The following WDFY3 variants were observed in gnomAD, a reference collection of about 807,000 sequenced individuals.
WDFY3 encodes the protein WD repeat and FYVE domain containing 3, also known as WD repeat and FYVE domain-containing protein 3.
WDFY3 carries 66 observed loss-of-function variants against 409.6 expected under a neutral mutation model. The observed-to-expected ratio is 0.16, with a 90% CI of 0.13 to 0.20. The LOEUF (loss-of-function observed/expected upper bound fraction) is 0.20, where lower values mean the gene tolerates loss of function less well. Among genes scored for constraint, WDFY3 ranks in the 10% least tolerant of loss-of-function variants. The pLI is 1.00. For missense variants in WDFY3, 3,031 were observed against 4,298.1 expected, an observed-to-expected ratio of 0.71 and a Z score of 8.24; for synonymous variants, 1,521 against 1,537.1, an observed-to-expected ratio of 0.99 and a Z score of 0.25.
chr4:84,889,759 A>G (rs1764693061), intron 3 of WDFY3, among the ~76,000 whole-genome samples: 2 of 152,212 alleles, frequency 1.3e-5, no homozygotes, highest in African/African-American at 4.8e-5. Context: ...GTAAGAAAAG[A>G]GAGTCAGAAT....
chr4:84,819,126 C>T (rs1578666308), intron 12 of WDFY3, among the ~76,000 whole-genome samples: 1 of 151,994 alleles, frequency 6.6e-6, no homozygotes. Flanking sequence ...TTAGCATTTG[C>T]CAAATTTGTA....
chr4:84,947,037 G>A (rs1284256722), intron 1 of WDFY3, among the ~76,000 whole-genome samples: 1 of 151,176 alleles, frequency 6.6e-6, no homozygotes, highest in Admixed American at 6.6e-5. Flanking sequence ...TCGATCTCCT[G>A]ACCTTGTGAT....
chr4:84,691,769 T>C lies in WDFY3; in HGVS notation c.9066A>G (p.Val3022=). 6.2e-7 allele frequency: 1 copy of C among 1,610,380 alleles called. No individual in the cohort carries two copies. Among genetic ancestry groups the C allele is most frequent in the Non-Finnish European group, 8.5e-7 (1 of 1,177,530 alleles). The change falls in exon 60 of 68, where the codon GTA becomes GTG. Residue 3022 remains valine, a synonymous_variant. Coordinates refer to ENST00000295888, the MANE Select transcript of WDFY3 (RefSeq NM_014991.6). The part of the protein sequence containing the change: ...LTPVKELKEP[V]GQIVCTDKGI... Reference sequence around the variant, plus strand: ...CTTTATCTGTACATACGATTTGTCCTACAGGTTCTTTGAGTTCTAGAAAAA... The same window carrying C: ...CTTTATCTGTACATACGATTTGTCCCACAGGTTCTTTGAGTTCTAGAAAAA...
chr4:84,817,490 C>G lies in WDFY3; in HGVS notation c.1789G>C (p.Val597Leu). Residue 597 changes from valine to leucine, a missense_variant, in exon 13 of 68, where the codon GTG becomes CTG. Val to Leu is a conservative substitution (Grantham distance 32). Around this residue, in one of 16 missense-constraint regions of WDFY3, gnomAD observed 1,322 missense variants for 1,697.9 expected, o/e 0.78. Coordinates refer to ENST00000295888, the MANE Select transcript of WDFY3 (RefSeq NM_014991.6). ...QHALMTIQQL[V>L]LSPNGDDDMG... Reference sequence around the variant, plus strand: ...TCATCGTCCCCATTTGGGGAGAGCACCAGCTGTTGGATAGTCATCAAGGCA... The same window carrying G: ...TCATCGTCCCCATTTGGGGAGAGCAGCAGCTGTTGGATAGTCATCAAGGCA... 2 of 1,613,776 alleles carry G rather than the reference C, an allele frequency of 1.2e-6. No homozygotes were observed. The highest frequency in any genetic ancestry group is 8.5e-7 in the Non-Finnish European group (1 of 1,179,820).
At chr4:84,882,423 C>T (rs184967236) in intron 3 of WDFY3, among the ~76,000 whole-genome samples, 10 of 152,208 alleles carry the variant, frequency 6.6e-5, no homozygotes, top group South Asian at 6.2e-4. Flanking sequence ...AACGAATAGA[C>T]GGATAAATGG....
chr4:84,933,264 T>C (rs1181866927), intron 1 of WDFY3, among the ~76,000 whole-genome samples: 1 of 152,156 alleles, frequency 6.6e-6, no homozygotes, highest in Non-Finnish European at 1.5e-5. Flanking sequence ...CAATATTGCC[T>C]TCAATAGACA....
intron 30 of WDFY3, among the ~76,000 whole-genome samples, chr4:84,767,032 T>C (rs1332924517): frequency 6.6e-6 from 1 of 152,148 alleles, no homozygotes; most frequent in East Asian, 1.9e-4. Context: ...GGCACACCTT[T>C]TAATGCACTT....
chr4:84,720,011 A>G (rs1734583052), intron 47 of WDFY3, among the ~76,000 whole-genome samples: 1 of 152,232 alleles, frequency 6.6e-6, no homozygotes, highest in Non-Finnish European at 1.5e-5. Context: ...GCAAAAGAAC[A>G]TCCTTTAAAA....
At chr4:84,750,015 G>A (rs1201686330) in intron 36 of WDFY3, among the ~76,000 whole-genome samples, 1 of 152,132 alleles carries the variant, frequency 6.6e-6, no homozygotes, top group African/African-American at 2.4e-5. Context: ...GCTTGAAAAT[G>A]CTATCACTGT....
At chr4:84,872,291 C>G (rs1409885485) in intron 3 of WDFY3, among the ~76,000 whole-genome samples, 1 of 151,750 alleles carries the variant, frequency 6.6e-6, no homozygotes, top group African/African-American at 2.4e-5. Context: ...ATGGTGAAAC[C>G]CCATCTATAC....
intron 27 of WDFY3, 116 bp from the exon 28 acceptor site, chr4:84,775,254 T>C: frequency 1.1e-6 from 1 of 896,526 alleles, no homozygotes; most frequent in Non-Finnish European, 1.6e-6. Context: ...TATTATCTTG[T>C]AAAGTTCTAT....
chr4:84,843,921 C>T (rs551527237), intron 5 of WDFY3, among the ~76,000 whole-genome samples: 9 of 152,036 alleles, frequency 5.9e-5, no homozygotes, highest in African/African-American at 7.2e-5. Flanking sequence ...CAAATATAAA[C>T]GATTTAACTT....
At chr4:84,879,126 C>T (rs1018781482) in intron 3 of WDFY3, among the ~76,000 whole-genome samples, 4 of 152,122 alleles carry the variant, frequency 2.6e-5, no homozygotes, top group Non-Finnish European at 4.4e-5. Context: ...TCTGGTGGGT[C>T]CCTAATTTTG....
intron 32 of WDFY3, among the ~76,000 whole-genome samples, chr4:84,764,693 C>T (rs1333667555): frequency 6.6e-6 from 1 of 151,032 alleles, no homozygotes. Flanking sequence ...AACCCCGTCT[C>T]TACTAAAAAA....
intron 2 of WDFY3, among the ~76,000 whole-genome samples, chr4:84,929,197 A>G (rs779643331): frequency 1.6e-4 from 24 of 152,170 alleles, no homozygotes; most frequent in Admixed American, 3.9e-4. Context: ...ACAGCCCACT[A>G]AGGAACTGGG....
chr4:84,795,780 C>A (rs1415566809), intron 19 of WDFY3, among the ~76,000 whole-genome samples: 8 of 150,540 alleles, frequency 5.3e-5, no homozygotes, highest in African/African-American at 1.2e-4. Context: ...AAAAAAAAAA[C>A]AAAACTCTAA....
intron 60 of WDFY3, 147 bp from the exon 61 acceptor site, chr4:84,690,811 A>C: frequency 1.0e-6 from 1 of 983,550 alleles, no homozygotes; most frequent in Admixed American, 3.1e-5. Context: ...TCAGAAGCAT[A>C]TCCACTGAAT....
intron 4 of WDFY3, 149 bp downstream of exon 4, chr4:84,860,263 A>G: frequency 1.1e-6 from 1 of 887,802 alleles, no homozygotes. Context: ...ACTGCTTTAT[A>G]GCAAATTGAA....
chr4:84,678,978 G>T lies in WDFY3; in HGVS notation c.10088C>A (p.Pro3363His). ...GGGATTGGGGTGGGGGTGGCTAAGG[G>T]GGCCCTGCAGATGGGCTCTGGTCTG... ...EGQTRAHLQG[P>H]LSHPHPNPIE... is the part of the protein sequence containing the mutation. The change falls in exon 65 of 68, where the codon CCC becomes CAC. Residue 3363 changes from proline (P) to histidine (H), a missense_variant. Physicochemically the swap from Pro to His is moderately conservative, Grantham distance 77 (BLOSUM62 -2). Transcript: ENST00000295888. The T allele has an allele frequency of 6.2e-7, 1 of 1,614,200 alleles. No individual in the cohort carries two copies. Among genetic ancestry groups the T allele is most frequent in the Non-Finnish European group, 8.5e-7 (1 of 1,180,034 alleles).
Sources: gnomAD v4.1 joint callset for allele counts (sites outside exome capture counted in the v4.1 genomes callset) on GRCh38, gnomAD v4.1.1 for gene constraint, gnomAD v4.1.1 regional missense constraint, MANE v1.5 for transcripts, NCBI Gene and HGNC (gene_info 2026-07-23, HGNC 2026-07-21) for gene names.